DNAH6: variants seen among roughly 807,000 people sequenced by gnomAD.
DNAH6 encodes dynein axonemal heavy chain 6.
A neutral mutation model predicts 491.4 loss-of-function variants in DNAH6; 340 were observed. The ratio of observed to expected loss-of-function variants is 0.69; its 90% CI spans 0.63 to 0.76. The LOEUF is 0.76. DNAH6 is among the 30% of genes least tolerant of loss of function. DNAH6 has a pLI of 0.00. For missense variants in DNAH6, 4,443 were observed against 4,972.2 expected (o/e 0.89, Z 3.20); for synonymous variants, 1,603 against 1,686.1 (o/e 0.95, Z 1.21).
intron 49 of DNAH6, among the ~76,000 whole-genome samples, chr2:84,702,943 T>C (rs942103351): frequency 6.6e-6 from 1 of 152,094 alleles, no homozygotes; most frequent in Non-Finnish European, 1.5e-5. Flanking sequence ...CACAGGGAAG[T>C]AGGTTTCAAA....
chr2:84,714,604 A>G (rs1441345676), intron 57 of DNAH6, among the ~76,000 whole-genome samples: 5 of 152,098 alleles, frequency 3.3e-5, no homozygotes, highest in Non-Finnish European at 7.4e-5. Flanking sequence ...CTAAAACAGC[A>G]TAATCAGAAT....
At chr2:84,666,257 T>C (rs1001953032) in intron 37 of DNAH6, among the ~76,000 whole-genome samples, 2 of 152,094 alleles carry the variant, frequency 1.3e-5, no homozygotes, top group African/African-American at 2.4e-5. Context: ...GCCAGGGCAA[T>C]CAGTCAGGAG....
At chr2:84,685,295 T>TC (rs1332141229) in intron 42 of DNAH6, 31 bp from the exon 43 acceptor site, 7 of 1,379,938 alleles carry the variant, frequency 5.1e-6, no homozygotes, top group Middle Eastern at 2.3e-4. Context: ...GTAGAATTTT[T>TC]CTTTTTTTTT....
At chr2:84,702,564 A>G (rs969326653) in intron 49 of DNAH6, among the ~76,000 whole-genome samples, 3 of 132,036 alleles carry the variant, frequency 2.3e-5, no homozygotes, top group African/African-American at 5.7e-5. Flanking sequence ...TTTTTTTGAG[A>G]TGGAGTCTCG....
At position 84,762,930 on chromosome 2, in the gene DNAH6, G is replaced by T. The variant is rs1333511598; in HGVS notation, c.10688G>T (p.Ser3563Ile). ...GCATTTCAGAGGTTTGCCAGGGAAA[G>T]TGGATATTCAGAACGGTAAGTTCAT... ...MGAFQRFARE[S>I]GYSERVQSIS... Residue 3563 changes from serine (S) to isoleucine (I), a missense_variant, in exon 64 of 77, where the codon AGT becomes ATT. By Grantham distance (142) the Ser-to-Ile change is moderately radical. This residue lies in a region of DNAH6 where 1,463 missense variants were observed against 1,656.6 expected (regional missense o/e 0.88). Transcript: ENST00000389394. 6.4e-7 allele frequency: 1 copy of T among 1,551,174 alleles called. No homozygotes were observed. The highest frequency in any genetic ancestry group is 1.2e-5 in the South Asian group (1 of 83,988).
At chr2:84,721,729 T>C (rs184839591) in intron 59 of DNAH6, among the ~76,000 whole-genome samples, 2 of 152,374 alleles carry the variant, frequency 1.3e-5, no homozygotes, top group Non-Finnish European at 2.9e-5. Flanking sequence ...GCTCACATTA[T>C]ATTTCCATTG....
intron 63 of DNAH6, among the ~76,000 whole-genome samples, chr2:84,757,508 A>C (rs1194338542): frequency 6.6e-6 from 1 of 152,236 alleles, no homozygotes; most frequent in African/African-American, 2.4e-5. Context: ...GCATGTTCAT[A>C]AGGAAACACT....
intron 18 of DNAH6, among the ~76,000 whole-genome samples, chr2:84,598,127 T>TTTTCTTTTTCTTTCTTTCTTTCTTTC (rs1553438007): frequency 9.1e-6 from 1 of 109,314 alleles, no homozygotes. Context: ...TCTATCTTTC[T>TTTTCTTTTTCTTTCTTTCTTTCTTTC]TTTCTTTCTT....
At chr2:84,586,493 A>G (rs561681323) in intron 15 of DNAH6, among the ~76,000 whole-genome samples, 15 of 152,260 alleles carry the variant, frequency 9.9e-5, no homozygotes, top group African/African-American at 1.7e-4. Context: ...GCATATTGCT[A>G]TTTGTGGATG....
chr2:84,572,893 G>A (rs973474381), intron 11 of DNAH6, among the ~76,000 whole-genome samples: 1 of 152,236 alleles, frequency 6.6e-6, no homozygotes, highest in African/African-American at 2.4e-5. Context: ...GGACTGAAGT[G>A]ATTGGAAATC....
chr2:84,786,442 A>AAAAG (rs1559040338), intron 67 of DNAH6, among the ~76,000 whole-genome samples: 1 of 149,030 alleles, frequency 6.7e-6, no homozygotes, highest in Non-Finnish European at 1.5e-5. Context: ...AAAAAAAAAA[A>AAAAG]AAAGAAAAGA....
At chr2:84,533,725 A>G (rs1251615962) in intron 4 of DNAH6, among the ~76,000 whole-genome samples, 1 of 152,080 alleles carries the variant, frequency 6.6e-6, no homozygotes, top group Non-Finnish European at 1.5e-5. Context: ...GTTTACTTCC[A>G]TTTTCTAAAT....
intron 33 of DNAH6, 138 bp downstream of exon 33, chr2:84,642,192 A>G: frequency 1.5e-6 from 1 of 649,446 alleles, no homozygotes; most frequent in Non-Finnish European, 2.7e-6. Context: ...GCAGTTTAAG[A>G]AATACTCATT....
Position 84,659,059 on chromosome 2 carries a change from AC to A in DNAH6, c.5975del (p.Thr1992IlefsTer14). The A allele has an allele frequency of 2.7e-6, 4 of 1,477,824 alleles. No individual in the cohort carries two copies. Among genetic ancestry groups the A allele is most frequent in the Non-Finnish European group, 3.7e-6 (4 of 1,087,000 alleles). 91.5% of individuals were successfully genotyped at this position (1,477,824 alleles called of 1,614,324 possible). A position where few individuals can be genotyped will look rare whatever the true frequency, so the allele number is the denominator to read the frequency against. ...AAAATTGAACACTATACTATGTCAG[AC>A]TTTTGTATTCTGTTATTTGTGGTCT... The part of the protein sequence containing the change: ...QTKLNTILCQ[T>X]FVFCYLWSLG... On this transcript the variant is annotated frameshift_variant, in exon 37 of 77. Transcript: ENST00000389394. LOFTEE classifies it high-confidence loss of function.
intron 11 of DNAH6, among the ~76,000 whole-genome samples, chr2:84,569,557 GA>G (rs1681570565): frequency 1.3e-5 from 2 of 152,080 alleles, no homozygotes; most frequent in Non-Finnish European, 2.9e-5. Flanking sequence ...TATTTCAAGT[GA>G]AATACATAAC....
At chr2:84,634,061 A>G (rs1392767122) in intron 29 of DNAH6, among the ~76,000 whole-genome samples, 1 of 152,210 alleles carries the variant, frequency 6.6e-6, no homozygotes, top group African/African-American at 2.4e-5. Context: ...TCACTACTAT[A>G]ATCTGCACAG....
chr2:84,755,024 C>T (rs1254007071), intron 63 of DNAH6, among the ~76,000 whole-genome samples: 4 of 152,168 alleles, frequency 2.6e-5, no homozygotes, highest in African/African-American at 9.7e-5. Context: ...TATTTTTAAG[C>T]AATCTATTCT....
chr2:84,496,912 T>A, the DNAH6 span, among the ~76,000 whole-genome samples: 3 of 151,880 alleles, frequency 2.0e-5, no homozygotes, highest in Non-Finnish European at 4.4e-5. Context: ...TCCCTATCAC[T>A]GTAAATTAGA....
intron 61 of DNAH6, among the ~76,000 whole-genome samples, chr2:84,732,301 G>T (rs1183689851): frequency 6.6e-6 from 1 of 152,026 alleles, no homozygotes; most frequent in Non-Finnish European, 1.5e-5. Flanking sequence ...TATACTTACT[G>T]GTTAAACGTA....
Sources: gnomAD v4.1 joint callset for allele counts (sites outside exome capture counted in the v4.1 genomes callset) on GRCh38, gnomAD v4.1.1 for gene constraint, gnomAD v4.1.1 regional missense constraint, MANE v1.5 for transcripts, NCBI Gene and HGNC (gene_info 2026-07-23, HGNC 2026-07-21) for gene names.